Variants in EIF4G3 observed in about 807,000 individuals in gnomAD.
EIF4G3 encodes the protein eIF-4-gamma 3.
A neutral mutation model predicts 186.4 loss-of-function variants in EIF4G3; 34 were observed. The observed-to-expected ratio is 0.18, with a 90% CI of 0.14 to 0.24. The LOEUF is 0.24. EIF4G3 is among the 10% of genes least tolerant of loss of function. EIF4G3 has a pLI of 1.00. For missense variants in EIF4G3, 1,536 were observed against 1,948.5 expected (o/e 0.79, Z 3.99); for synonymous variants, 673 against 679.5 (o/e 0.99, Z 0.15).
At chr1:20,948,035 A>G (rs2096046112) in intron 13 of EIF4G3, among the ~76,000 whole-genome samples, 1 of 152,152 alleles carries the variant, frequency 6.6e-6, no homozygotes, top group Non-Finnish European at 1.5e-5. Context: ...TATGTGATAA[A>G]TTTTTTAAAA....
At chr1:20,924,524 G>A (rs1410416375) in intron 14 of EIF4G3, among the ~76,000 whole-genome samples, 1 of 152,178 alleles carries the variant, frequency 6.6e-6, no homozygotes, top group Admixed American at 6.5e-5. Context: ...GACAATCTAT[G>A]TTTCACATAT....
chr1:20,846,528 G>C (rs2071087410), intron 29 of EIF4G3, among the ~76,000 whole-genome samples: 1 of 152,020 alleles, frequency 6.6e-6, no homozygotes, highest in Non-Finnish European at 1.5e-5. Flanking sequence ...CATAATTTTA[G>C]TTTTTGGCAC....
intron 4 of EIF4G3, among the ~76,000 whole-genome samples, chr1:21,031,075 A>C (rs974904717): frequency 1.3e-5 from 2 of 152,068 alleles, no homozygotes; most frequent in African/African-American, 4.8e-5. Context: ...AATCCCAGCT[A>C]TTTGGGTGGC....
At chr1:21,016,300 T>G (rs1192770046) in intron 4 of EIF4G3, among the ~76,000 whole-genome samples, 1 of 151,972 alleles carries the variant, frequency 6.6e-6, no homozygotes, top group Non-Finnish European at 1.5e-5. Context: ...ACACATAAAA[T>G]GAAACAAAAA....
rs554103654 is a variant in EIF4G3, at chr1:21,030,795, A to C, written c.-67+20071T>G. ...GCTCAAAAGCCACAGTGGCTCTAATAGCGACCACATTGGACAGTGCAGATC... is the reference window on the plus strand; with the variant it reads ...GCTCAAAAGCCACAGTGGCTCTAATCGCGACCACATTGGACAGTGCAGATC... On this transcript the variant is annotated intron_variant, in intron 4 of 36. Transcript: ENST00000602326. Among the ~76,000 whole-genome samples, 10 of 152,372 alleles carry C rather than the reference A, an allele frequency of 6.6e-5. No individual in the cohort carries two copies. In the South Asian group the frequency reaches 1.7e-3, roughly 25 times the overall value.
At chr1:21,137,486 T>C (rs1558137063) in intron 2 of EIF4G3, among the ~76,000 whole-genome samples, 1 of 152,142 alleles carries the variant, frequency 6.6e-6, no homozygotes, top group African/African-American at 2.4e-5. Flanking sequence ...AATTAAAATA[T>C]ATACATAATG....
At position 20,862,419 on chromosome 1, in the gene EIF4G3, C is replaced by G. The variant is rs1220172566; in HGVS notation, c.3007-87G>C. 20 of 841,846 alleles carry G rather than the reference C, an allele frequency of 2.4e-5. No individual in the cohort carries two copies. The Admixed American group carries it at 5.3e-4, about 22-fold the overall frequency. The allele number at this position is 841,846 out of a possible 1,614,324, so 52.1% of individuals were successfully genotyped here. A position where few individuals can be genotyped will look rare whatever the true frequency, so the allele number is the denominator to read the frequency against. On this transcript the variant is annotated intron_variant, in intron 22 of 36. Coordinates refer to ENST00000602326, the MANE Select transcript of EIF4G3 (RefSeq NM_001391906.1). Reference sequence around the variant, plus strand: ...TACAGTTATTTATTTATGTAGTTATCTATTTATTTTTTTAGAGATGGGGTT... The same window carrying G: ...TACAGTTATTTATTTATGTAGTTATGTATTTATTTTTTTAGAGATGGGGTT...
rs1394748801 is a variant in EIF4G3, at chr1:21,001,181, G to A, written c.144+18C>T. The A allele has an allele frequency of 2.1e-6, 1 of 471,394 alleles. No individual in the cohort carries two copies. The highest frequency in any genetic ancestry group is 4.4e-6 in the Non-Finnish European group (1 of 227,114). The allele number at this position is 471,394 out of a possible 1,614,324, so 29.2% of individuals were successfully genotyped here. ...GGCACCACTGCCTGCAAGAAGTACAGTTTGTTATATTGCTTACAATGCAGT... is the reference window on the plus strand; with the variant it reads ...GGCACCACTGCCTGCAAGAAGTACAATTTGTTATATTGCTTACAATGCAGT... On this transcript the variant is annotated intron_variant, in intron 6 of 36. Coordinates refer to ENST00000602326, the MANE Select transcript of EIF4G3 (RefSeq NM_001391906.1).
chr1:20,911,071 T>C (rs1463656483), intron 14 of EIF4G3, among the ~76,000 whole-genome samples: 1 of 152,212 alleles, frequency 6.6e-6, no homozygotes, highest in Non-Finnish European at 1.5e-5. Context: ...AGTCTTGTTA[T>C]AGATTGTAGG....
intron 2 of EIF4G3, among the ~76,000 whole-genome samples, chr1:21,129,537 C>T (rs1234274724): frequency 6.6e-6 from 1 of 150,938 alleles, no homozygotes; most frequent in Non-Finnish European, 1.5e-5. Context: ...GAGAGAGTCC[C>T]ATCTGATGGA....
At chr1:20,844,082 G>A (rs976434590) in intron 29 of EIF4G3, among the ~76,000 whole-genome samples, 11 of 152,120 alleles carry the variant, frequency 7.2e-5, no homozygotes, top group African/African-American at 2.4e-4. Context: ...TTGATTGCAT[G>A]TTTTTGCTAT....
chr1:21,001,213 T>C lies in EIF4G3; in HGVS notation c.130A>G (p.Ile44Val), dbSNP rs2083443001. Residue 44 changes from isoleucine (I) to valine (V), a missense_variant, in exon 6 of 37, where the codon ATA (isoleucine) becomes GTA (valine). Around this residue, in one of 11 missense-constraint regions of EIF4G3, gnomAD observed 194 missense variants for 212.8 expected, o/e 0.91. Transcript: ENST00000602326. Reference protein sequence around the residue: ...VYRSLAGRGWIKYCIFAAGPR... With the variant: ...VYRSLAGRGWVKYCIFAAGPR... ...ATATTGCTTACAATGCAGTATTTTA[T>C]CCAGCCTCTTCCAGCCAAGGACCTG... 1 of 471,398 alleles carries C rather than the reference T, an allele frequency of 2.1e-6. No homozygotes were observed. The highest frequency in any genetic ancestry group is 4.4e-6 in the Non-Finnish European group (1 of 227,132). 29.2% of individuals were successfully genotyped at this position (471,398 alleles called of 1,614,324 possible). A position where few individuals can be genotyped will look rare whatever the true frequency, so the allele number is the denominator to read the frequency against.
intron 26 of EIF4G3, 63 bp from the exon 27 acceptor site, chr1:20,853,740 C>T (rs1304536421): frequency 5.6e-6 from 7 of 1,247,834 alleles, no homozygotes; most frequent in Non-Finnish European, 7.0e-6. Flanking sequence ...AATAATCAGT[C>T]ATCTGCATCC....
intron 24 of EIF4G3, among the ~76,000 whole-genome samples, chr1:20,859,782 G>A (rs1018078750): frequency 2.6e-5 from 4 of 152,030 alleles, no homozygotes; most frequent in South Asian, 2.1e-4. Flanking sequence ...TAGTAGAGAC[G>A]GGGTTTCATC....
intron 2 of EIF4G3, among the ~76,000 whole-genome samples, chr1:21,137,534 C>T (rs911214503): frequency 5.9e-5 from 9 of 152,060 alleles, no homozygotes; most frequent in Non-Finnish European, 1.2e-4. Flanking sequence ...GCTGGCTAGG[C>T]ATGGTGGCTC....
At chr1:20,837,630 G>C (rs370909010) in intron 30 of EIF4G3, among the ~76,000 whole-genome samples, 13 of 152,288 alleles carry the variant, frequency 8.5e-5, no homozygotes, top group African/African-American at 3.1e-4. Flanking sequence ...GATCTCAGAG[G>C]CTCTTCCACA....
intron 14 of EIF4G3, among the ~76,000 whole-genome samples, chr1:20,908,490 T>C (rs2092651133): frequency 6.6e-6 from 1 of 152,154 alleles, no homozygotes; most frequent in African/African-American, 2.4e-5. Context: ...TACAGTTAAT[T>C]GGAGGGAAAC....
intron 2 of EIF4G3, among the ~76,000 whole-genome samples, chr1:21,114,370 C>A (rs993947489): frequency 1.3e-5 from 2 of 152,162 alleles, no homozygotes; most frequent in South Asian, 2.1e-4. Context: ...TGTTCTCGAT[C>A]CACCCGCCTC....
intron 3 of EIF4G3, among the ~76,000 whole-genome samples, chr1:21,051,355 C>T (rs1490969432): frequency 1.3e-5 from 2 of 152,080 alleles, no homozygotes; most frequent in Non-Finnish European, 2.9e-5. Flanking sequence ...AAGGAGATGA[C>T]TACAGAAGAG....
Sources: gnomAD v4.1 joint callset for allele counts (sites outside exome capture counted in the v4.1 genomes callset) on GRCh38, gnomAD v4.1.1 for gene constraint, gnomAD v4.1.1 regional missense constraint, MANE v1.5 for transcripts, NCBI Gene and HGNC (gene_info 2026-07-23, HGNC 2026-07-21) for gene names.